The following MXRA5 variants were observed in gnomAD, a reference collection of about 807,000 sequenced individuals.
MXRA5 encodes matrix remodeling associated 5.
MXRA5 carries 41 observed loss-of-function variants against 112.5 expected under a neutral mutation model. That is an observed-to-expected ratio of 0.36 (90% CI 0.28 to 0.47). MXRA5 has a LOEUF of 0.47. Ranked by LOEUF, MXRA5 falls within the 20% of genes least tolerant of loss-of-function variation. MXRA5 has a pLI of 0.99. For missense variants in MXRA5, 2,150 were observed against 2,251.0 expected (o/e 0.96, Z 0.91); for synonymous variants, 862 against 900.8 (o/e 0.96, Z 0.77).
At position 3,322,912 on chromosome X, in the gene MXRA5, G is replaced by A. The variant is rs1921350762; in HGVS notation, c.2773C>T (p.His925Tyr). The change falls in exon 5 of 7, where the codon CAC becomes TAC. Residue 925 changes from histidine to tyrosine, a missense_variant. By Grantham distance (83) the His-to-Tyr change is moderately conservative. Around this residue, in one of 6 missense-constraint regions of MXRA5, gnomAD observed 1,485 missense variants for 1,471.6 expected, o/e 1.01. Coordinates refer to ENST00000217939, the MANE Select transcript of MXRA5 (RefSeq NM_015419.4). ...TTTTCATAGACTGTGTCTAATGTGTGCAGAGTAGGAGATGGTTCATAAGGC... is the reference window on the plus strand; with the variant it reads ...TTTTCATAGACTGTGTCTAATGTGTACAGAGTAGGAGATGGTTCATAAGGC... ...SEPYEPSPTLHTLDTVYEKPT... is the reference protein window; with the variant it reads ...SEPYEPSPTLYTLDTVYEKPT... The A allele has an allele frequency of 8.3e-7, 1 of 1,211,551 alleles. No individual in the cohort carries two copies. The highest frequency in any genetic ancestry group is 2.2e-5 in the Admixed American group (1 of 45,981).
In MXRA5 at chrX:3,309,346, GTGT is replaced by G. The variant is rs1472714843; in HGVS notation, c.*367_*369del. On this transcript the variant is annotated 3_prime_UTR_variant, in exon 7 of 7. Coordinates refer to ENST00000217939, the MANE Select transcript of MXRA5 (RefSeq NM_015419.4). ...GATGCGTCTTCAATGGGGTAGTGAGGTGTTGTTCATGTCTATGGCTTATTTTTG... is the reference window on the plus strand; with the variant it reads ...GATGCGTCTTCAATGGGGTAGTGAGGTGTTCATGTCTATGGCTTATTTTTG... 1 of 166,124 alleles carries G rather than the reference GTGT, an allele frequency of 6.0e-6. No individual in the cohort carries two copies. Among genetic ancestry groups the G allele is most frequent in the East Asian group, 1.4e-4 (1 of 7,170 alleles). 13.7% of individuals were successfully genotyped at this position (166,124 alleles called of 1,213,427 possible).
chrX:3,315,408 G>GATAGATAGATAGATAGAT (rs1921088438), intron 6 of MXRA5, among the ~76,000 whole-genome samples: 1 of 49,494 alleles, frequency 2.0e-5, no homozygotes, highest in Non-Finnish European at 3.8e-5. Context: ...TAGATAGATA[G>GATAGATAGATAGATAGAT]ATAGATAGAT....
Position 3,320,482 on chromosome X carries a change from T to A in MXRA5, c.5203A>T (p.Asn1735Tyr). ...AACTGTGGAAAAGAAAGAGTCTTGT[T>A]GGTAAAGAAAGGGAGTCTTCCATTG... ...YSNGRLPFFTNKTLSFPQLGV... is the reference protein window; with the variant it reads ...YSNGRLPFFTYKTLSFPQLGV... Residue 1735 changes from asparagine to tyrosine, a missense_variant, in exon 5 of 7, where the codon AAC becomes TAC. By Grantham distance (143) the Asn-to-Tyr change is moderately radical. Around this residue, in one of 6 missense-constraint regions of MXRA5, gnomAD observed 1,485 missense variants for 1,471.6 expected, o/e 1.01. Coordinates refer to ENST00000217939, the MANE Select transcript of MXRA5 (RefSeq NM_015419.4). The A allele has an allele frequency of 8.3e-7, 1 of 1,211,263 alleles. No homozygotes were observed.
chrX:3,326,840 G>A (rs1161728840), intron 4 of MXRA5, among the ~76,000 whole-genome samples: 1 of 110,801 alleles, frequency 9.0e-6, no homozygotes, highest in East Asian at 2.8e-4. Flanking sequence ...TCGCATATGT[G>A]TGGTTCCAAT....
At chrX:3,318,100 AC>A in intron 5 of MXRA5, 97 bp from the exon 6 acceptor site, 1 of 718,100 alleles carries the variant, frequency 1.4e-6, no homozygotes, top group Non-Finnish European at 2.0e-6. Flanking sequence ...CCACTTTAAC[AC>A]CCAGGCAGCA....
chrX:3,321,346 T>G lies in MXRA5; in HGVS notation c.4339A>C (p.Lys1447Gln). Residue 1447 changes from lysine to glutamine, a missense_variant, in exon 5 of 7, where the codon AAA (lysine) becomes CAA (glutamine). Coordinates refer to ENST00000217939, the MANE Select transcript of MXRA5 (RefSeq NM_015419.4). ...AGSSTTLSSI[K>Q]VEVASSQAET... ...GCCTGACTTGAAGCCACCTCCACTT[T>G]TATGCTTGAGAGAGTTGTGGAAGAA... 8.3e-7 allele frequency: 1 copy of G among 1,211,699 alleles called. No homozygotes were observed. Among genetic ancestry groups the G allele is most frequent in the South Asian group, 1.8e-5 (1 of 57,001 alleles).
chrX:3,320,966 C>T lies in MXRA5; in HGVS notation c.4719G>A (p.Lys1573=). 1 of 1,211,971 alleles carries T rather than the reference C, an allele frequency of 8.3e-7. No individual in the cohort carries two copies. The highest frequency in any genetic ancestry group is 1.1e-6 in the Non-Finnish European group (1 of 895,547). ...SDQDAFNLST[K]LELEKQVFGS... ...CAAATACTTGCTTTTCCAATTCCAGCTTTGTAGACAAGTTAAATGCATCCT... is the reference window on the plus strand; with the variant it reads ...CAAATACTTGCTTTTCCAATTCCAGTTTTGTAGACAAGTTAAATGCATCCT... Residue 1573 remains lysine (K), a synonymous_variant, in exon 5 of 7, where the codon AAG becomes AAA. Coordinates refer to ENST00000217939, the MANE Select transcript of MXRA5 (RefSeq NM_015419.4).
chrX:3,324,433 A>G lies in MXRA5; in HGVS notation c.1252T>C (p.Tyr418His). The change falls in exon 5 of 7, where the codon TAC becomes CAC. Residue 418 changes from tyrosine (Y) to histidine (H), a missense_variant. Physicochemically the swap from Tyr to His is moderately conservative, Grantham distance 83. Coordinates refer to ENST00000217939, the MANE Select transcript of MXRA5 (RefSeq NM_015419.4). The stretch of plus-strand genomic sequence containing the variant: ...AGAATCTGGGCTCTCACACCTGTGT[A>G]GTAAAGAGCTTCCTCATCAGCATCC... ...RQDADEEALY[Y>H]TGVRAQILAE... The G allele has an allele frequency of 8.3e-7, 1 of 1,211,668 alleles. No individual in the cohort carries two copies. The highest frequency in any genetic ancestry group is 1.7e-5 in the African/African-American group (1 of 57,816).
At chrX:3,331,632 G>A (rs1921665575) in intron 2 of MXRA5, among the ~76,000 whole-genome samples, 1 of 112,308 alleles carries the variant, frequency 8.9e-6, no homozygotes, top group Non-Finnish European at 1.9e-5. Context: ...ATGTCTGACG[G>A]ATGATCAAAG....
Position 3,322,822 on chromosome X carries a change from G to A in MXRA5, c.2863C>T (p.Pro955Ser). The A allele has an allele frequency of 8.3e-7, 1 of 1,211,615 alleles. No individual in the cohort carries two copies. ...SAADVGSSPE[P>S]TSSEYEPPLD... ...GGAGGCTCATACTCACTGGATGTGG[G>A]CTCTGGTGACGATCCAACATCTGCT... The change falls in exon 5 of 7, where the codon CCC becomes TCC. Residue 955 changes from proline to serine, a missense_variant. Physicochemically the swap from Pro to Ser is moderately conservative, Grantham distance 74. This residue lies in a region of MXRA5 where 1,485 missense variants were observed against 1,471.6 expected (regional missense o/e 1.01). Transcript: ENST00000217939.
chrX:3,326,356 T>C (rs1320279035), intron 4 of MXRA5, among the ~76,000 whole-genome samples: 1 of 98,957 alleles, frequency 1.0e-5, no homozygotes, highest in African/African-American at 3.6e-5. Flanking sequence ...TATATATTTA[T>C]AACTCTGTAT....
intron 1 of MXRA5, 62 bp downstream of exon 1, chrX:3,346,453 C>T (rs1330626891): frequency 1.4e-6 from 1 of 705,520 alleles, no homozygotes; most frequent in Non-Finnish European, 1.7e-6. Context: ...GTCTCAAATC[C>T]CTTCACCCCC....
rs1187703298 is a variant in MXRA5 at position 3,323,942 on chromosome X, C to T, written c.1743G>A (p.Glu581=). The T allele has an allele frequency of 8.3e-7, 1 of 1,205,896 alleles. No individual in the cohort carries two copies. The highest frequency in any genetic ancestry group is 1.8e-5 in the South Asian group (1 of 55,614). The change falls in exon 5 of 7, where the codon GAG becomes GAA. Residue 581 remains glutamate (E), a synonymous_variant. Coordinates refer to ENST00000217939, the MANE Select transcript of MXRA5 (RefSeq NM_015419.4). The stretch of plus-strand genomic sequence containing the variant: ...TCTTGCCAATTGTCACTGTGTCTTT[C>T]TCGGCTGGCTGAGTGGAGGGAGACT... ...LVQSPSTQPA[E]KDTVTIGKNP...
chrX:3,328,352 C>T (rs1029573039), intron 4 of MXRA5, among the ~76,000 whole-genome samples: 1 of 112,057 alleles, frequency 8.9e-6, no homozygotes, highest in African/African-American at 3.2e-5. Context: ...GACTGTGTGG[C>T]TAGAAATAAA....
chrX:3,316,497 T>TTAATAATAATAA (rs757741576), intron 6 of MXRA5, among the ~76,000 whole-genome samples: 15,165 of 84,937 alleles, frequency 0.18, 1,587 homozygotes, highest in East Asian at 0.33. Flanking sequence ...CTACAAAAAG[T>TTAATAATAATAA]TAATAATAAT....
At chrX:3,331,509 G>A (rs1256482884) in intron 2 of MXRA5, among the ~76,000 whole-genome samples, 1 of 111,564 alleles carries the variant, frequency 9.0e-6, no homozygotes, top group African/African-American at 3.3e-5. Flanking sequence ...GAAAATCCAC[G>A]GCATTGGAAT....
At chrX:3,333,664 A>G (rs1224589576) in intron 2 of MXRA5, among the ~76,000 whole-genome samples, 1 of 111,692 alleles carries the variant, frequency 9.0e-6, no homozygotes, top group Non-Finnish European at 1.9e-5. Context: ...GTCAATATCT[A>G]CTTGACATTA....
intron 4 of MXRA5, among the ~76,000 whole-genome samples, chrX:3,325,331 A>G (rs1398589591): frequency 9.0e-6 from 1 of 110,609 alleles, no homozygotes; most frequent in Non-Finnish European, 1.9e-5. Flanking sequence ...GAGAATCTAT[A>G]TAAATATACT....
intron 1 of MXRA5, among the ~76,000 whole-genome samples, chrX:3,344,468 G>A (rs1212558081): frequency 1.8e-5 from 2 of 111,274 alleles, no homozygotes; most frequent in African/African-American, 6.5e-5. Flanking sequence ...GAGTTTTTTT[G>A]ATGATATAGA....
Sources: gnomAD v4.1 joint callset for allele counts (sites outside exome capture counted in the v4.1 genomes callset) on GRCh38, gnomAD v4.1.1 for gene constraint, gnomAD v4.1.1 regional missense constraint, MANE v1.5 for transcripts, NCBI Gene and HGNC (gene_info 2026-07-23, HGNC 2026-07-21) for gene names.